DPH6: variants seen among roughly 807,000 people sequenced by gnomAD.
DPH6 encodes diphthamine biosynthesis 6, also known as diphthine--ammonia ligase.
DPH6 carries 33 observed loss-of-function variants against 38.2 expected under a neutral mutation model. The ratio of observed to expected loss-of-function variants is 0.86; its 90% CI spans 0.65 to 1.15. The LOEUF (loss-of-function observed/expected upper bound fraction) is 1.15. Ranked by LOEUF, DPH6 falls within the 50% of genes most tolerant of loss-of-function variation. The pLI is 0.00. For missense variants in DPH6, 325 were observed against 320.0 expected, an observed-to-expected ratio of 1.02 and a Z score of -0.12; for synonymous variants, 108 against 103.0, an observed-to-expected ratio of 1.05 and a Z score of -0.30.
intron 3 of DPH6, among the ~76,000 whole-genome samples, chr15:35,345,567 T>C (rs1369982811): frequency 6.6e-6 from 1 of 151,952 alleles, no homozygotes; most frequent in African/African-American, 2.4e-5. Flanking sequence ...GTTAAGTTAA[T>C]CTTGCATCCC....
downstream of DPH6, among the ~76,000 whole-genome samples, chr15:35,214,974 C>T (rs545070301): frequency 8.3e-4 from 127 of 152,206 alleles, 2 homozygotes; most frequent in Non-Finnish European, 2.2e-4. Context: ...CAACCCAGTA[C>T]CTGAGTGATC....
the DPH6 span, among the ~76,000 whole-genome samples, chr15:35,164,096 C>A: frequency 2.6e-5 from 4 of 151,698 alleles, no homozygotes; most frequent in African/African-American, 4.8e-5. Context: ...ATAAAATATG[C>A]TGCAAAAATG....
At chr15:35,209,857 T>C in the DPH6 span, among the ~76,000 whole-genome samples, 1 of 152,216 alleles carries the variant, frequency 6.6e-6, no homozygotes, top group African/African-American at 2.4e-5. Flanking sequence ...AGACTTGATA[T>C]TGTCTGAATA....
chr15:35,305,152 C>A (rs1250704120), intron 3 of DPH6, among the ~76,000 whole-genome samples: 2 of 152,066 alleles, frequency 1.3e-5, no homozygotes, highest in Non-Finnish European at 2.9e-5. Context: ...AGTAAGTAAA[C>A]TTGTTGTCTC....
chr15:35,320,122 T>G (rs1023806027), intron 3 of DPH6, among the ~76,000 whole-genome samples: 4 of 152,220 alleles, frequency 2.6e-5, no homozygotes, highest in Non-Finnish European at 5.9e-5. Flanking sequence ...TTCATGGCTT[T>G]TTTTTTCAGA....
chr15:35,474,911 A>G (rs2054246096), intron 3 of DPH6, among the ~76,000 whole-genome samples: 1 of 152,072 alleles, frequency 6.6e-6, no homozygotes, highest in Admixed American at 6.6e-5. Flanking sequence ...AAAAGTCATT[A>G]ATTAAAGAAA....
At chr15:35,253,896 G>C (rs1169857107) in intron 3 of DPH6, among the ~76,000 whole-genome samples, 1 of 152,126 alleles carries the variant, frequency 6.6e-6, no homozygotes, top group East Asian at 1.9e-4. Context: ...ACCTTCAAAC[G>C]GCATCAGATC....
chr15:35,297,094 T>G (rs766263201), intron 3 of DPH6, among the ~76,000 whole-genome samples: 10 of 152,224 alleles, frequency 6.6e-5, no homozygotes, highest in Non-Finnish European at 1.5e-4. Context: ...CAACCTATCT[T>G]GCCAACACAC....
intron 8 of DPH6, 44 bp downstream of exon 8, chr15:35,373,477 C>T (rs2052739090): frequency 6.5e-7 from 1 of 1,544,556 alleles, no homozygotes; most frequent in East Asian, 2.3e-5. Context: ...ATGTATATAT[C>T]TCAAATTTCT....
intron 3 of DPH6, among the ~76,000 whole-genome samples, chr15:35,509,582 G>A (rs1225527003): frequency 1.3e-5 from 2 of 152,060 alleles, no homozygotes; most frequent in African/African-American, 4.8e-5. Flanking sequence ...CAAAACATAA[G>A]CTTTTTAAAT....
At chr15:35,537,673 A>G (rs2141556117) in intron 3 of DPH6, among the ~76,000 whole-genome samples, 1 of 152,280 alleles carries the variant, frequency 6.6e-6, no homozygotes. Context: ...AGCAAGGCTC[A>G]GTCTCTCATT....
chr15:35,165,490 C>T, the DPH6 span, among the ~76,000 whole-genome samples: 1 of 151,780 alleles, frequency 6.6e-6, no homozygotes, highest in East Asian at 1.9e-4. Flanking sequence ...TTTTACATTT[C>T]CAAATTCCAT....
rs759212650 is a variant in DPH6, at chr15:35,411,516, G to A, written c.506-620C>T. ...TCATTACTGTGCCAATAGCGTGTGC[G>A]TAACCTTTAATAAAGATTCAACTGA... On this transcript the variant is annotated intron_variant, in intron 5 of 8. Transcript: ENST00000256538. Among the ~76,000 whole-genome samples the A allele has an allele frequency of 2.2e-4, 33 of 151,562 alleles. 1 individual carries two copies. The highest frequency in any genetic ancestry group is 7.4e-5 in the Non-Finnish European group (5 of 67,704).
At chr15:35,323,515 CAA>C (rs1483155204) in intron 3 of DPH6, among the ~76,000 whole-genome samples, 1 of 152,106 alleles carries the variant, frequency 6.6e-6, no homozygotes, top group Non-Finnish European at 1.5e-5. Flanking sequence ...ACTTTGCTCC[CAA>C]AGTCAGTAGC....
chr15:35,542,157 A>C (rs2055261950), intron 2 of DPH6, among the ~76,000 whole-genome samples: 1 of 152,126 alleles, frequency 6.6e-6, no homozygotes, highest in Non-Finnish European at 1.5e-5. Context: ...GTGCTAGTTT[A>C]CTTCAGACAA....
At chr15:35,523,354 A>G (rs939558070) in intron 3 of DPH6, among the ~76,000 whole-genome samples, 1 of 151,298 alleles carries the variant, frequency 6.6e-6, no homozygotes, top group African/African-American at 2.4e-5. Context: ...ATATCCAAAA[A>G]TTAGTGAGGA....
At chr15:35,456,036 G>A (rs755770730) in intron 3 of DPH6, among the ~76,000 whole-genome samples, 1 of 152,070 alleles carries the variant, frequency 6.6e-6, no homozygotes, top group Non-Finnish European at 1.5e-5. Context: ...CAAAATGATG[G>A]AGAAATACCT....
At chr15:35,293,157 G>A (rs2051990909) in intron 3 of DPH6, among the ~76,000 whole-genome samples, 1 of 152,092 alleles carries the variant, frequency 6.6e-6, no homozygotes, top group Non-Finnish European at 1.5e-5. Flanking sequence ...TCTGACTAAG[G>A]CAGCTTTCTG....
chr15:35,310,095 C>G (rs142512663), intron 3 of DPH6, among the ~76,000 whole-genome samples: 2 of 152,146 alleles, frequency 1.3e-5, no homozygotes, highest in Admixed American at 6.5e-5. Context: ...CCATTCCAGA[C>G]CAATTAAATC....
Sources: gnomAD v4.1 joint callset for allele counts (sites outside exome capture counted in the v4.1 genomes callset) on GRCh38, gnomAD v4.1.1 for gene constraint, MANE v1.5 for transcripts, NCBI Gene and HGNC (gene_info 2026-07-23, HGNC 2026-07-21) for gene names.